Variants in VIPAS39 observed in about 807,000 individuals in gnomAD.
The protein encoded by VIPAS39 is spermatogenesis-defective protein 39 homolog.
A neutral mutation model predicts 84.7 loss-of-function variants in VIPAS39; 63 were observed. The ratio of observed to expected loss-of-function variants is 0.74; its 90% CI spans 0.61 to 0.92. VIPAS39 has a LOEUF of 0.92. Among genes scored for constraint, VIPAS39 ranks in the 40% least tolerant of loss-of-function variants. The probability of loss-of-function intolerance (pLI) is 0.00; values close to 1 mark genes in which losing one functional copy is unlikely to be tolerated. For synonymous variants in VIPAS39, 192 were observed against 216.5 expected (o/e 0.89, Z 0.99); for missense variants, 499 against 604.5 (o/e 0.83, Z 1.83).
chr14:77,443,633 G>A (rs769461117), intron 8 of VIPAS39, among the ~76,000 whole-genome samples: 3 of 152,042 alleles, frequency 2.0e-5, no homozygotes, highest in Non-Finnish European at 4.4e-5. Flanking sequence ...GGTAGCTCAC[G>A]CCTATAATCC....
At chr14:77,438,937 C>T (rs2078657701) in intron 11 of VIPAS39, among the ~76,000 whole-genome samples, 1 of 152,188 alleles carries the variant, frequency 6.6e-6, no homozygotes, top group Non-Finnish European at 1.5e-5. Context: ...ACAGAAATTA[C>T]ATATCATAAT....
chr14:77,431,643 C>G (rs2078524813), intron 16 of VIPAS39, among the ~76,000 whole-genome samples: 1 of 151,874 alleles, frequency 6.6e-6, no homozygotes, highest in South Asian at 2.1e-4. Flanking sequence ...GCACTTCAGC[C>G]TGGGTGACAG....
intron 1 of VIPAS39, among the ~76,000 whole-genome samples, chr14:77,454,786 T>C (rs550972495): frequency 6.6e-6 from 1 of 151,570 alleles, no homozygotes; most frequent in African/African-American, 2.4e-5. Context: ...GTTATAAGAA[T>C]CTATCAAAAA....
intron 1 of VIPAS39, 154 bp downstream of exon 1, chr14:77,457,341 C>G: frequency 1.3e-6 from 2 of 1,535,704 alleles, no homozygotes; most frequent in South Asian, 2.4e-5. Flanking sequence ...CCCAAGCGTA[C>G]TCCAGCGCCC....
rs34877078 is a variant in VIPAS39 at position 77,438,226 on chromosome 14, A to ATT, written c.763-347_763-346dup. Among the ~76,000 whole-genome samples the ATT allele has an allele frequency of 1.0e-2, 1,314 of 132,020 alleles. 18 individuals are homozygous for ATT. Among genetic ancestry groups the ATT allele is most frequent in the South Asian group, 0.039 (159 of 4,104 alleles). 86.6% of individuals were successfully genotyped at this position (132,020 alleles called of 152,430 possible). A position where few individuals can be genotyped will look rare whatever the true frequency, so the allele number is the denominator to read the frequency against. On this transcript the variant is annotated intron_variant, in intron 11 of 19. Transcript: ENST00000557658. ...ATATTGGACAACACAAATATGGAAA[A>ATT]TTTTTTTTTTTTTTTTTTTGAGACG...
At chr14:77,455,143 T>C (rs2078941225) in intron 1 of VIPAS39, among the ~76,000 whole-genome samples, 1 of 152,148 alleles carries the variant, frequency 6.6e-6, no homozygotes, top group African/African-American at 2.4e-5. Flanking sequence ...CTGTTATAAC[T>C]ACTATAAAAT....
At chr14:77,433,418 C>A (rs1002684117) in intron 16 of VIPAS39, among the ~76,000 whole-genome samples, 1 of 152,188 alleles carries the variant, frequency 6.6e-6, no homozygotes, top group African/African-American at 2.4e-5. Context: ...CCAGGATGGT[C>A]TCAAACTCCT....
intron 3 of VIPAS39, 97 bp from the exon 4 acceptor site, chr14:77,451,430 C>T (rs1274960579): frequency 6.3e-7 from 1 of 1,598,780 alleles, no homozygotes; most frequent in Admixed American, 1.7e-5. Flanking sequence ...ACCAGAAGCC[C>T]TGGTCCCTTG....
At chr14:77,447,710 GAGTGCAGTGGCACGA>G (rs2078814609) in intron 7 of VIPAS39, among the ~76,000 whole-genome samples, 1 of 152,160 alleles carries the variant, frequency 6.6e-6, no homozygotes, top group African/African-American at 2.4e-5. Context: ...GCCCAGGCTG[GAGTGCAGTGGCACGA>G]TCTCAGCTCA....
At chr14:77,449,841 CAAT>C in intron 4 of VIPAS39, 89 bp from the exon 5 acceptor site, 1 of 1,373,140 alleles carries the variant, frequency 7.3e-7, no homozygotes, top group South Asian at 1.2e-5. Context: ...GTAACCAACT[CAAT>C]AACGCAATAT....
chr14:77,456,176 G>A (rs116452292), intron 1 of VIPAS39, among the ~76,000 whole-genome samples: 4,167 of 152,172 alleles, frequency 0.027, 192 homozygotes, highest in African/African-American at 0.096. Context: ...TCTGTTAAAT[G>A]GGCATAACAG....
At chr14:77,436,710 T>C (rs1172449410) in intron 12 of VIPAS39, among the ~76,000 whole-genome samples, 1 of 152,172 alleles carries the variant, frequency 6.6e-6, no homozygotes, top group Non-Finnish European at 1.5e-5. Flanking sequence ...CCCAAGGCGC[T>C]GGGATTACAG....
intron 16 of VIPAS39, among the ~76,000 whole-genome samples, chr14:77,432,922 T>C (rs1283955669): frequency 6.6e-6 from 1 of 152,184 alleles, no homozygotes; most frequent in African/African-American, 2.4e-5. Flanking sequence ...AACTGTGAGA[T>C]GATGGGTTAA....
At chr14:77,450,830 A>AT (rs991318820) in intron 4 of VIPAS39, among the ~76,000 whole-genome samples, 11 of 151,996 alleles carry the variant, frequency 7.2e-5, no homozygotes, top group African/African-American at 2.7e-4. Flanking sequence ...TTACTGTTTA[A>AT]TTTTTTTTAA....
rs561082655 is a variant in VIPAS39 at position 77,427,479 on chromosome 14, G to A, written c.*137C>T. 18 of 997,774 alleles carry A rather than the reference G, an allele frequency of 1.8e-5. No individual in the cohort carries two copies. The African/African-American group carries it at 2.9e-4, about 16-fold the overall frequency. 61.8% of individuals were successfully genotyped at this position (997,774 alleles called of 1,614,324 possible). On this transcript the variant is annotated 3_prime_UTR_variant, in exon 20 of 20. Transcript: ENST00000557658. ...AGAAGATCAGTCTGAAGTTATCTGTGTCAAGAGTAGCTGGCACTGCCCATG... is the reference window on the plus strand; with the variant it reads ...AGAAGATCAGTCTGAAGTTATCTGTATCAAGAGTAGCTGGCACTGCCCATG...
intron 16 of VIPAS39, 85 bp from the exon 17 acceptor site, chr14:77,429,852 G>T: frequency 8.2e-7 from 1 of 1,213,208 alleles, no homozygotes; most frequent in Non-Finnish European, 1.2e-6. Context: ...GATCAGACCA[G>T]AATAATGTGG....
intron 15 of VIPAS39, 120 bp downstream of exon 15, chr14:77,434,141 AT>A (rs2078567123): frequency 8.0e-7 from 1 of 1,256,676 alleles, no homozygotes; most frequent in South Asian, 1.2e-5. Flanking sequence ...TCCCAAACTC[AT>A]TCCTTTCCAC....
At chr14:77,447,216 G>C (rs1470193899) in intron 7 of VIPAS39, among the ~76,000 whole-genome samples, 1 of 151,880 alleles carries the variant, frequency 6.6e-6, no homozygotes, top group East Asian at 1.9e-4. Flanking sequence ...GTAGAGACGG[G>C]GTTTCTCCAT....
intron 2 of VIPAS39, 92 bp downstream of exon 2, chr14:77,453,918 C>G: frequency 1.7e-6 from 2 of 1,199,902 alleles, no homozygotes; most frequent in Non-Finnish European, 2.5e-6. Flanking sequence ...TGAAGACATA[C>G]ATGGTCAAAA....
Sources: allele counts gnomAD v4.1 joint callset (sites outside exome capture counted in the v4.1 genomes callset), GRCh38; gene constraint gnomAD v4.1.1; transcripts MANE v1.5; gene names NCBI Gene and HGNC (gene_info 2026-07-23, HGNC 2026-07-21).